The following AK8 variants were observed in gnomAD, a reference collection of about 807,000 sequenced individuals.
AK8 encodes ATP-AMP transphosphorylase 8.
A neutral mutation model predicts 54.6 loss-of-function variants in AK8; 44 were observed. That is an observed-to-expected ratio of 0.81 (90% CI 0.63 to 1.04). The LOEUF (loss-of-function observed/expected upper bound fraction) is 1.04, where lower values mean the gene tolerates loss of function less well. Among genes scored for constraint, AK8 ranks in the 50% least tolerant of loss-of-function variants. The probability of loss-of-function intolerance (pLI) is 0.00; values close to 1 mark genes in which losing one functional copy is unlikely to be tolerated. For missense variants in AK8, 555 were observed against 613.6 expected (o/e 0.90, Z 1.01); for synonymous variants, 239 against 245.6 (o/e 0.97, Z 0.25).
intron 2 of AK8, among the ~76,000 whole-genome samples, chr9:132,870,887 C>T (rs1168585689): frequency 6.9e-6 from 1 of 144,728 alleles, no homozygotes; most frequent in Non-Finnish European, 1.5e-5. Flanking sequence ...CCAAGCCTCC[C>T]GCACTCTTCT....
At chr9:132,741,481 A>G (rs960555940) in intron 11 of AK8, among the ~76,000 whole-genome samples, 2 of 152,176 alleles carry the variant, frequency 1.3e-5, no homozygotes, top group African/African-American at 4.8e-5. Context: ...AGCCCCCCAA[A>G]AACAGCTGGG....
chr9:132,840,339 C>G (rs1199173714), intron 5 of AK8, among the ~76,000 whole-genome samples: 1 of 152,078 alleles, frequency 6.6e-6, no homozygotes, highest in South Asian at 2.1e-4. Flanking sequence ...GCATTACGCT[C>G]GCGTTTGGCA....
chr9:132,812,005 C>T (rs969715331), intron 10 of AK8, among the ~76,000 whole-genome samples: 2 of 152,158 alleles, frequency 1.3e-5, no homozygotes, highest in African/African-American at 4.8e-5. Flanking sequence ...TGTTTCTGAA[C>T]CACTATCTGG....
intron 4 of AK8, among the ~76,000 whole-genome samples, 181 bp downstream of exon 4, chr9:132,863,484 C>T (rs1341439947): frequency 2.0e-5 from 3 of 152,258 alleles, no homozygotes; most frequent in Non-Finnish European, 2.9e-5. Context: ...GGACGTGAGC[C>T]CAGTAAAGAA....
intron 9 of AK8, among the ~76,000 whole-genome samples, chr9:132,815,081 C>T (rs925545948): frequency 2.6e-5 from 4 of 152,216 alleles, no homozygotes; most frequent in African/African-American, 7.2e-5. Context: ...CAGGGTGCTG[C>T]GGAGGATCAG....
At position 132,878,191 on chromosome 9, in the gene AK8, T is replaced by A; in HGVS notation, c.65A>T (p.His22Leu). ...GGTCACCTGCATCAACTCGAAGATG[T>A]GGTTCTCCTCCCCGTACTGGGGCAT... ...PEMPQYGEEN[H>L]IFELMQNMLE... Residue 22 changes from histidine to leucine, a missense_variant, in exon 1 of 13, where the codon CAC becomes CTC. Transcript: ENST00000298545. This position sits in a 1 kb window ranked among gnomAD's most constrained non-coding sequence, Gnocchi z 4.7. 6.8e-7 allele frequency: 1 copy of A among 1,471,322 alleles called. No homozygotes were observed. Among genetic ancestry groups the A allele is most frequent in the Non-Finnish European group, 9.0e-7 (1 of 1,107,680 alleles). The allele number at this position is 1,471,322 out of a possible 1,614,324, so 91.1% of individuals were successfully genotyped here.
At chr9:132,746,329 C>T (rs1434147257) in intron 11 of AK8, among the ~76,000 whole-genome samples, 2 of 152,164 alleles carry the variant, frequency 1.3e-5, no homozygotes, top group African/African-American at 2.4e-5. Flanking sequence ...CCCACTTTTG[C>T]GAGTAGGGCC....
rs528110700 is a variant in AK8 at position 132,786,710 on chromosome 9, C to G, written c.1121+5924G>C. 2.8e-4 allele frequency among the ~76,000 whole-genome samples: 43 copies of G among 152,274 alleles called. No individual in the cohort carries two copies. The East Asian group carries it at 7.9e-3, about 28-fold the overall frequency. ...GAGCTTCCAAATCGCTTTTTAGTCT[C>G]CCATTCTTAGACGTGAGCAAACAAC... On this transcript the variant is annotated intron_variant, in intron 11 of 12. Transcript: ENST00000298545.
At chr9:132,869,041 G>T (rs577211129) in intron 2 of AK8, among the ~76,000 whole-genome samples, 1 of 152,250 alleles carries the variant, frequency 6.6e-6, no homozygotes, top group East Asian at 1.9e-4. Flanking sequence ...TTAGACAGGC[G>T]TGGTGGCACA....
intron 5 of AK8, among the ~76,000 whole-genome samples, chr9:132,835,255 T>C (rs1588190346): frequency 6.6e-6 from 1 of 152,218 alleles, no homozygotes; most frequent in Non-Finnish European, 1.5e-5. Context: ...AGCCACTCCA[T>C]GGAAGAAGAC....
At chr9:132,726,467 C>T (rs1291904147) in intron 12 of AK8, among the ~76,000 whole-genome samples, 1 of 152,136 alleles carries the variant, frequency 6.6e-6, no homozygotes, top group African/African-American at 2.4e-5. Context: ...GGGGTTTCAC[C>T]ATGTTGGCCA....
intron 10 of AK8, among the ~76,000 whole-genome samples, chr9:132,793,390 T>C (rs1157955250): frequency 6.6e-6 from 1 of 152,202 alleles, no homozygotes; most frequent in Non-Finnish European, 1.5e-5. Flanking sequence ...GCAACCACTA[T>C]GGGCCCAGTT....
chr9:132,830,630 A>T lies in AK8; in HGVS notation c.403-1904T>A, dbSNP rs62576259. On this transcript the variant is annotated intron_variant, in intron 5 of 12. Transcript: ENST00000298545. The stretch of plus-strand genomic sequence containing the variant: ...TGGGGTCGCATCCTTTTATTTATTG[A>T]CAACAGCTCTTTACATATTAAGAAC... 6.7e-3 allele frequency among the ~76,000 whole-genome samples: 1,026 copies of T among 152,252 alleles called. 8 individuals carry two copies. Among genetic ancestry groups the T allele is most frequent in the South Asian group, 0.041 (198 of 4,832 alleles).
intron 5 of AK8, among the ~76,000 whole-genome samples, chr9:132,842,124 T>A (rs1842568007): frequency 6.6e-6 from 1 of 152,032 alleles, no homozygotes. Flanking sequence ...CAAAACAATC[T>A]CCCCAAAGAA....
chr9:132,869,537 C>A (rs1218034516), intron 2 of AK8, among the ~76,000 whole-genome samples: 2 of 152,294 alleles, frequency 1.3e-5, no homozygotes, highest in Non-Finnish European at 1.5e-5. Flanking sequence ...TGGGCCCAGC[C>A]CTGACTGTCA....
intron 2 of AK8, among the ~76,000 whole-genome samples, chr9:132,871,487 C>T (rs1370033666): frequency 2.0e-5 from 3 of 152,156 alleles, no homozygotes; most frequent in Non-Finnish European, 4.4e-5. Flanking sequence ...CGGTGGAGTG[C>T]AGGGCTGTGG....
In AK8 at chr9:132,791,988, C is replaced by G. The variant is rs1839966310; in HGVS notation, c.1121+646G>C. On this transcript the variant is annotated intron_variant, in intron 11 of 12. Transcript: ENST00000298545. The surrounding 1 kb of genome is among the most constrained non-coding windows in gnomAD (Gnocchi z 4.0). ...CAACTGGGGCATGGTAGAACCGAAG[C>G]CTTTCCCACCTTCCACTAGAATGCT... is the stretch of plus-strand genomic sequence containing the variant. Among the ~76,000 whole-genome samples the G allele has an allele frequency of 6.6e-6, 1 of 152,228 alleles. No homozygotes were observed. The highest frequency in any genetic ancestry group is 1.5e-5 in the Non-Finnish European group (1 of 68,038).
intron 5 of AK8, among the ~76,000 whole-genome samples, chr9:132,850,175 TA>T (rs1842916826): frequency 6.8e-6 from 1 of 146,582 alleles, no homozygotes; most frequent in Admixed American, 6.9e-5. Flanking sequence ...TGCCTCAGCC[TA>T]CCGAGTAGCT....
rs2130927185 is a variant in AK8 at position 132,727,452 on chromosome 9, A to G, written c.1202+2T>C. On this transcript the variant is annotated splice_donor_variant, in intron 12 of 12. Transcript: ENST00000298545. LOFTEE classifies it high-confidence loss of function. ...GCCAACCACCAGGAACACAGCACAA[A>G]CCTTTCCCCAGTGACTGGATCAATT... 1 of 1,613,922 alleles carries G rather than the reference A, an allele frequency of 6.2e-7. No homozygotes were observed. Among genetic ancestry groups the G allele is most frequent in the South Asian group, 1.1e-5 (1 of 91,072 alleles).
Sources: allele counts gnomAD v4.1 joint callset (sites outside exome capture counted in the v4.1 genomes callset), GRCh38; gene constraint gnomAD v4.1.1; non-coding constraint Gnocchi (gnomAD v3.1); transcripts MANE v1.5; gene names NCBI Gene and HGNC (gene_info 2026-07-23, HGNC 2026-07-21).